ADAM22: variants seen among roughly 807,000 people sequenced by gnomAD.
ADAM22 encodes disintegrin and metalloproteinase domain-containing protein 22.
Under a neutral mutation model 144.6 loss-of-function variants are expected in ADAM22, and 65 were observed. That is an observed-to-expected ratio of 0.45 (90% CI 0.37 to 0.55). ADAM22 has a LOEUF of 0.55. ADAM22 is among the 20% of genes least tolerant of loss of function. ADAM22 has a pLI of 0.00. For missense variants in ADAM22, 974 were observed against 1,184.9 expected (o/e 0.82, Z 2.61); for synonymous variants, 391 against 412.6 (o/e 0.95, Z 0.63).
chr7:88,005,928 G>T (rs1369823633), intron 3 of ADAM22, among the ~76,000 whole-genome samples: 1 of 151,892 alleles, frequency 6.6e-6, no homozygotes, highest in African/African-American at 2.4e-5. Context: ...CAAAAACCTA[G>T]AAATATAACA....
intron 2 of ADAM22, among the ~76,000 whole-genome samples, chr7:87,972,555 A>C (rs1026096243): frequency 6.6e-6 from 1 of 152,170 alleles, no homozygotes; most frequent in African/African-American, 2.4e-5. Flanking sequence ...GCTACCAATG[A>C]CTTTCTTCAC....
intron 2 of ADAM22, among the ~76,000 whole-genome samples, chr7:87,949,324 A>C (rs1844461193): frequency 6.6e-6 from 1 of 152,208 alleles, no homozygotes; most frequent in African/African-American, 2.4e-5. Flanking sequence ...GAGACAGCCA[A>C]ATAAAATGAC....
At chr7:88,151,386 T>A (rs1838327488) in intron 20 of ADAM22, 66 bp downstream of exon 20, 3 of 1,582,172 alleles carry the variant, frequency 1.9e-6, no homozygotes, top group Non-Finnish European at 2.6e-6. Flanking sequence ...CAAGGACGTG[T>A]GTGCTGGAAG....
chr7:88,183,216 G>A (rs888568998), intron 29 of ADAM22, among the ~76,000 whole-genome samples: 6 of 152,100 alleles, frequency 3.9e-5, no homozygotes, highest in African/African-American at 1.4e-4. Context: ...TATTCCCAAA[G>A]CGCTTGGATG....
At chr7:88,174,891 A>ATAT (rs1469653369) in intron 26 of ADAM22, among the ~76,000 whole-genome samples, 2 of 151,336 alleles carry the variant, frequency 1.3e-5, no homozygotes, top group Admixed American at 6.6e-5. Flanking sequence ...GTTTGTTTTT[A>ATAT]TATTATTATT....
intron 2 of ADAM22, among the ~76,000 whole-genome samples, chr7:87,936,942 T>C (rs1376855353): frequency 6.6e-6 from 1 of 151,870 alleles, no homozygotes; most frequent in Non-Finnish European, 1.5e-5. Flanking sequence ...ATAATGTCTG[T>C]AGATTGCAAT....
chr7:88,105,798 C>T (rs1824215524), intron 4 of ADAM22, among the ~76,000 whole-genome samples: 1 of 152,016 alleles, frequency 6.6e-6, no homozygotes, highest in African/African-American at 2.4e-5. Context: ...AAGAATATTT[C>T]TTTGTAGGAT....
intron 30 of ADAM22, among the ~76,000 whole-genome samples, chr7:88,191,408 C>G (rs1213894400): frequency 1.3e-5 from 2 of 152,152 alleles, no homozygotes; most frequent in Non-Finnish European, 2.9e-5. Context: ...CTAAAGTAAA[C>G]AAGATTTAAT....
chr7:88,156,711 C>T (rs1840048611), intron 22 of ADAM22, among the ~76,000 whole-genome samples: 1 of 152,094 alleles, frequency 6.6e-6, no homozygotes, highest in Non-Finnish European at 1.5e-5. Context: ...GGATTTGCCA[C>T]CCTCCCATGG....
At chr7:87,981,250 T>C (rs899766026) in intron 3 of ADAM22, among the ~76,000 whole-genome samples, 13 of 152,160 alleles carry the variant, frequency 8.5e-5, no homozygotes, top group African/African-American at 2.7e-4. Flanking sequence ...GTGAAATATA[T>C]AACAATTAGG....
At chr7:88,101,444 C>T (rs376503159) in intron 4 of ADAM22, among the ~76,000 whole-genome samples, 1 of 152,090 alleles carries the variant, frequency 6.6e-6, no homozygotes, top group South Asian at 2.1e-4. Flanking sequence ...TTTAGCATGA[C>T]CAAACCATTC....
chr7:88,132,790 G>A, intron 11 of ADAM22, 77 bp from the exon 12 acceptor site: 1 of 1,145,094 alleles, frequency 8.7e-7, no homozygotes, highest in Admixed American at 1.8e-5. Flanking sequence ...GAAAATAAAT[G>A]TAGTAAACTA....
chr7:88,037,591 TA>T (rs1410453661), intron 3 of ADAM22, among the ~76,000 whole-genome samples: 3 of 152,274 alleles, frequency 2.0e-5, no homozygotes, highest in Admixed American at 6.5e-5. Context: ...TGATGTGTTT[TA>T]TTTTTTTATT....
In ADAM22 at chr7:88,178,249, A is replaced by G. The variant is rs569917509; in HGVS notation, c.2301-686A>G. Among the ~76,000 whole-genome samples, 3 of 152,284 alleles carry G rather than the reference A, an allele frequency of 2.0e-5. No homozygotes were observed. The East Asian group carries it at 5.8e-4, about 29-fold the overall frequency. On this transcript the variant is annotated intron_variant, in intron 26 of 31. Transcript: ENST00000413139. ...CAACTACCTATAAATATACTTCTAT[A>G]GTTTCAGCAAAAATTCAGTTATTTT...
At chr7:87,963,819 A>G (rs1245548054) in intron 2 of ADAM22, among the ~76,000 whole-genome samples, 2 of 152,056 alleles carry the variant, frequency 1.3e-5, no homozygotes, top group South Asian at 2.1e-4. Flanking sequence ...TATGTTTCTG[A>G]TACTGTTGGG....
At chr7:88,094,416 G>A (rs1336329405) in intron 4 of ADAM22, among the ~76,000 whole-genome samples, 1 of 152,216 alleles carries the variant, frequency 6.6e-6, no homozygotes, top group Non-Finnish European at 1.5e-5. Context: ...GGATCTTGGT[G>A]TGTGAAAGGG....
intron 3 of ADAM22, 45 bp from the exon 4 acceptor site, chr7:88,075,581 A>G (rs760054186): frequency 1.9e-6 from 3 of 1,561,508 alleles, no homozygotes; most frequent in Non-Finnish European, 1.8e-6. Flanking sequence ...CGTGTTTTAC[A>G]TTTTTGGGAT....
At position 88,202,782 on chromosome 7, in the gene ADAM22, T is replaced by C. The variant is rs13237241; in HGVS notation, c.*6291T>C. 1 of 152,250 alleles carries C rather than the reference T, an allele frequency of 6.6e-6. No individual in the cohort carries two copies. The highest frequency in any genetic ancestry group is 1.9e-4 in the East Asian group (1 of 5,204). 9.4% of individuals were successfully genotyped at this position (152,250 alleles called of 1,614,324 possible). The stretch of plus-strand genomic sequence containing the variant: ...CTTAAGGTTCAAATTTCTGGCACAG[T>C]TTTATTAGTATTCACTTCGGAAGCT... On this transcript the variant is annotated 3_prime_UTR_variant, in exon 32 of 32. Coordinates refer to ENST00000413139, the MANE Select transcript of ADAM22 (RefSeq NM_001324418.2).
intron 3 of ADAM22, among the ~76,000 whole-genome samples, chr7:88,008,160 C>T (rs2129458812): frequency 6.6e-6 from 1 of 151,444 alleles, no homozygotes; most frequent in African/African-American, 2.4e-5. Context: ...TGCTCATCAT[C>T]ACTGGCCATC....
Sources: allele counts gnomAD v4.1 joint callset (sites outside exome capture counted in the v4.1 genomes callset), GRCh38; gene constraint gnomAD v4.1.1; transcripts MANE v1.5; gene names NCBI Gene and HGNC (gene_info 2026-07-23, HGNC 2026-07-21).